Variants in SERINC1 observed in about 807,000 individuals in gnomAD.
SERINC1 encodes the protein tumor differentially expressed protein 2.
In SERINC1, 38 loss-of-function variants were observed where a neutral mutation model predicts 52.9. The observed-to-expected ratio is 0.72, with a 90% confidence interval of 0.55 to 0.94. The LOEUF is 0.94. SERINC1 is among the 40% of genes least tolerant of loss of function. The pLI, the probability that SERINC1 is intolerant of heterozygous loss-of-function variation, is 0.00. For missense variants in SERINC1, 471 were observed against 533.9 expected, an observed-to-expected ratio of 0.88 and a Z score of 1.16; for synonymous variants, 198 against 183.1, an observed-to-expected ratio of 1.08 and a Z score of -0.66.
intron 1 of SERINC1, among the ~76,000 whole-genome samples, chr6:122,469,654 C>T (rs1195962689): frequency 6.6e-6 from 1 of 152,124 alleles, no homozygotes; most frequent in Non-Finnish European, 1.5e-5. Context: ...TCTCCCAGTT[C>T]AAGCAATTCT....
At chr6:122,466,739 C>T (rs12524571) in intron 1 of SERINC1, among the ~76,000 whole-genome samples, 13,616 of 152,120 alleles carry the variant, frequency 0.09, 749 homozygotes, top group South Asian at 0.14. Context: ...TCTCAGAAAG[C>T]CGTGCAAAAA....
intron 9 of SERINC1, among the ~76,000 whole-genome samples, chr6:122,446,451 ATCCTT>A (rs1454376367): frequency 6.6e-6 from 1 of 152,148 alleles, no homozygotes; most frequent in African/African-American, 2.4e-5. Flanking sequence ...AAAAGGATGT[ATCCTT>A]TACTTCACTA....
In SERINC1 at chr6:122,447,004, G is replaced by A. The variant is rs117943173; in HGVS notation, c.996C>T (p.Ser332=). Residue 332 remains serine (S), a splice_region_variant and synonymous_variant, in exon 9 of 10, where the codon AGC becomes AGT. Coordinates refer to ENST00000339697, the MANE Select transcript of SERINC1 (RefSeq NM_020755.4). The part of the protein sequence containing the change: ...ILFLLCVFYS[S]IRTSNNSQVN... ...CCTGACTATTGTTTGAAGTACGGAT[G>A]CTGTATGAAAGAGAGTTTAGGAGGA... 9.2e-3 allele frequency: 14,691 copies of A among 1,602,040 alleles called. 92 individuals are homozygous for A. The highest frequency in any genetic ancestry group is 0.011 in the Non-Finnish European group (12,512 of 1,169,168).
intron 1 of SERINC1, among the ~76,000 whole-genome samples, chr6:122,469,122 C>T (rs1775232329): frequency 6.6e-6 from 1 of 152,130 alleles, no homozygotes; most frequent in South Asian, 2.1e-4. Flanking sequence ...AATTCTAGGT[C>T]TCTTAGCAGC....
rs920058581 is a variant in SERINC1, at chr6:122,446,480, GA to G, written c.1226+293del. On this transcript the variant is annotated intron_variant, in intron 9 of 9. Transcript: ENST00000339697. ...TTTACTTCACTATCTTTACAGAATT[GA>G]AAAAAAAAATGTTAGATCCACTATC... 1.8e-3 allele frequency among the ~76,000 whole-genome samples: 263 copies of G among 147,208 alleles called. 2 individuals carry two copies. Among genetic ancestry groups the G allele is most frequent in the African/African-American group, 5.9e-3 (238 of 40,218 alleles).
chr6:122,454,342 T>C (rs1774961333), intron 3 of SERINC1, 112 bp from the exon 4 acceptor site: 1 of 626,712 alleles, frequency 1.6e-6, no homozygotes, highest in Non-Finnish European at 2.8e-6. Context: ...GTGAATGTTC[T>C]ACTTCTTTCT....
At chr6:122,453,012 C>T (rs747046849) in intron 5 of SERINC1, among the ~76,000 whole-genome samples, 1 of 152,106 alleles carries the variant, frequency 6.6e-6, no homozygotes, top group East Asian at 1.9e-4. Context: ...TTTTGAAAAA[C>T]ATTAGAAAAA....
chr6:122,450,783 T>TA (rs112758647), intron 7 of SERINC1, among the ~76,000 whole-genome samples: 1,923 of 152,252 alleles, frequency 0.013, 43 homozygotes, highest in African/African-American at 0.045. Flanking sequence ...TAGCTACAGA[T>TA]ACGGTGGAAA....
intron 1 of SERINC1, among the ~76,000 whole-genome samples, chr6:122,466,144 G>T (rs992364519): frequency 3.9e-5 from 6 of 152,144 alleles, no homozygotes; most frequent in African/African-American, 1.4e-4. Context: ...TGAGGCATTT[G>T]AACTTGGGAG....
intron 1 of SERINC1, among the ~76,000 whole-genome samples, chr6:122,464,416 G>A (rs372865546): frequency 2.6e-5 from 4 of 152,212 alleles, no homozygotes; most frequent in African/African-American, 9.6e-5. Context: ...GAAAAAAAGT[G>A]ATAAAAGATT....
intron 1 of SERINC1, among the ~76,000 whole-genome samples, chr6:122,461,901 C>G (rs1265264707): frequency 6.6e-6 from 1 of 152,018 alleles, no homozygotes; most frequent in Non-Finnish European, 1.5e-5. Flanking sequence ...ATTACAGAGA[C>G]TAAATCCAAA....
At chr6:122,466,364 T>C (rs564633972) in intron 1 of SERINC1, among the ~76,000 whole-genome samples, 2 of 152,234 alleles carry the variant, frequency 1.3e-5, no homozygotes, top group Admixed American at 6.5e-5. Flanking sequence ...TAGGCTTTAC[T>C]AGAGTGCAGT....
chr6:122,470,908 CCA>C (rs1168443720), intron 1 of SERINC1, among the ~76,000 whole-genome samples: 9 of 151,822 alleles, frequency 5.9e-5, no homozygotes, highest in African/African-American at 1.9e-4. Flanking sequence ...GAAATTTGTG[CCA>C]CACGGACCAA....
chr6:122,445,631 A>C (rs1236222644), intron 9 of SERINC1, among the ~76,000 whole-genome samples: 1 of 151,412 alleles, frequency 6.6e-6, no homozygotes, highest in Non-Finnish European at 1.5e-5. Context: ...TTAAAAAAAG[A>C]AAGAATTAAG....
At chr6:122,446,055 C>T (rs1228951376) in intron 9 of SERINC1, among the ~76,000 whole-genome samples, 2 of 151,834 alleles carry the variant, frequency 1.3e-5, no homozygotes, top group Non-Finnish European at 2.9e-5. Context: ...TGAGAGCCGC[C>T]TTACAATTTG....
At chr6:122,451,611 GA>G in intron 7 of SERINC1, 52 bp downstream of exon 7, 2 of 701,218 alleles carry the variant, frequency 2.9e-6, no homozygotes, top group Non-Finnish European at 2.4e-6. Context: ...ACAATTTCTG[GA>G]AAAACAACAA....
At chr6:122,464,026 T>A (rs1775148336) in intron 1 of SERINC1, among the ~76,000 whole-genome samples, 1 of 152,086 alleles carries the variant, frequency 6.6e-6, no homozygotes, top group Non-Finnish European at 1.5e-5. Flanking sequence ...AGAATGAAAC[T>A]CATTATGTGC....
At chr6:122,464,883 C>T (rs1305111739) in intron 1 of SERINC1, among the ~76,000 whole-genome samples, 1 of 151,924 alleles carries the variant, frequency 6.6e-6, no homozygotes, top group African/African-American at 2.4e-5. Context: ...TAGAATGCCC[C>T]CAGTCAATGT....
At chr6:122,468,155 C>T (rs1217258279) in intron 1 of SERINC1, among the ~76,000 whole-genome samples, 2 of 152,100 alleles carry the variant, frequency 1.3e-5, no homozygotes, top group Non-Finnish European at 2.9e-5. Flanking sequence ...TGATTTGTTC[C>T]ACCTTTCAGA....
Sources: gnomAD v4.1 joint callset for allele counts (sites outside exome capture counted in the v4.1 genomes callset) on GRCh38, gnomAD v4.1.1 for gene constraint, MANE v1.5 for transcripts, NCBI Gene and HGNC (gene_info 2026-07-23, HGNC 2026-07-21) for gene names.